NPHS1: variants seen among roughly 807,000 people sequenced by gnomAD.
The protein encoded by NPHS1 is NPHS1 adhesion molecule, nephrin, also known as nephrin.
In NPHS1, 107 loss-of-function variants were observed where a neutral mutation model predicts 139.7. The ratio of observed to expected loss-of-function variants is 0.77; its 90% CI spans 0.66 to 0.90. The LOEUF (loss-of-function observed/expected upper bound fraction) is 0.90. Ranked by LOEUF, NPHS1 falls within the 40% of genes least tolerant of loss-of-function variation. The pLI, the probability that NPHS1 is intolerant of heterozygous loss-of-function variation, is 0.00. For missense variants in NPHS1, 1,580 were observed against 1,654.2 expected, an observed-to-expected ratio of 0.96 and a Z score of 0.78; for synonymous variants, 707 against 706.6, an observed-to-expected ratio of 1.00 and a Z score of -0.01.
At position 35,842,528 on chromosome 19, in the gene NPHS1, C is replaced by G; in HGVS notation, c.2357G>C (p.Ser786Thr). 1 of 1,614,134 alleles carries G rather than the reference C, an allele frequency of 6.2e-7. No homozygotes were observed. Among genetic ancestry groups the G allele is most frequent in the Non-Finnish European group, 8.5e-7 (1 of 1,180,026 alleles). ...GGATATCTTCTCCATGTCATCCAGGCTCTGGTCCTCCTCATCTTCTCCCTG... is the reference window on the plus strand; with the variant it reads ...GGATATCTTCTCCATGTCATCCAGGGTCTGGTCCTCCTCATCTTCTCCCTG... ...ERLGEDEEDQ[S>T]LDDMEKISRG... The change falls in exon 18 of 29, where the codon AGC (serine) becomes ACC (threonine). Residue 786 changes from serine to threonine, a missense_variant. Ser to Thr is a moderately conservative substitution (Grantham distance 58). Transcript: ENST00000378910.
Position 35,850,408 on chromosome 19 carries a change from G to A in NPHS1, c.564C>T (p.Asn188=), listed in dbSNP as rs777413177. The A allele has an allele frequency of 6.2e-6, 10 of 1,614,128 alleles. No individual in the cohort carries two copies. Among genetic ancestry groups the A allele is most frequent in the Admixed American group, 3.3e-5 (2 of 60,016 alleles). Residue 188 remains asparagine (N), a synonymous_variant, in exon 5 of 29, where the codon AAC becomes AAT. Transcript: ENST00000378910. ...TGAAGAGTTTCTGCTGGGAGCCCTC[G>A]TTCACGTTTGCAGAGATGTCAGATA... The part of the protein sequence containing the change: ...QTISDISANV[N]EGSQQKLFTV...
In NPHS1 at chr19:35,851,898, C is replaced by T. The variant is rs75799457; in HGVS notation, c.-61G>A. 3,327 of 1,456,974 alleles carry T rather than the reference C, an allele frequency of 2.3e-3. 73 individuals are homozygous for T. The East Asian group carries it at 0.061, about 27-fold the overall frequency. 90.3% of individuals were successfully genotyped at this position (1,456,974 alleles called of 1,614,324 possible). ...CTGCCAGCCACCTGCGTCTGTCTGG[C>T]TTTCTCTGGGTCCCTCTCTGTGTGT... On this transcript the variant is annotated 5_prime_UTR_variant, in exon 1 of 29. Transcript: ENST00000378910.
rs748521322 is a variant in NPHS1, at chr19:35,831,542, G to GC, written c.3287-43dup. 2.7e-5 allele frequency: 44 copies of GC among 1,613,438 alleles called. 1 individual carries two copies. In the South Asian group the frequency reaches 4.5e-4, roughly 17 times the overall value. On this transcript the variant is annotated intron_variant, in intron 24 of 28. Transcript: ENST00000378910. ...TAAAGGGCTCAGTGACCCTATGCAA[G>GC]CCCCCCACCCCGGCCCCAGGAAGAC...
chr19:35,842,809 T>A (rs188591687), intron 17 of NPHS1, among the ~76,000 whole-genome samples: 1 of 152,232 alleles, frequency 6.6e-6, no homozygotes, highest in East Asian at 1.9e-4. Context: ...CATTCATTTA[T>A]CCATCTGCTT....
At chr19:35,829,769 C>T (rs1379278913) in intron 28 of NPHS1, among the ~76,000 whole-genome samples, 1 of 151,938 alleles carries the variant, frequency 6.6e-6, no homozygotes, top group African/African-American at 2.4e-5. Context: ...GAACTCTTGA[C>T]CTCAGGTAAT....
chr19:35,829,300 G>A (rs1972842158), intron 28 of NPHS1, among the ~76,000 whole-genome samples: 1 of 152,184 alleles, frequency 6.6e-6, no homozygotes, highest in South Asian at 2.1e-4. Flanking sequence ...GGGCATTTGG[G>A]GCCACTGGAA....
chr19:35,835,497 A>G (rs1269584274), intron 23 of NPHS1, among the ~76,000 whole-genome samples: 1 of 151,892 alleles, frequency 6.6e-6, no homozygotes, highest in Non-Finnish European at 1.5e-5. Context: ...GAGTCTTGCT[A>G]TGTTGCCCAA....
Position 35,849,584 on chromosome 19 carries a change from G to A in NPHS1, c.678C>T (p.Ala226=). 1.9e-6 allele frequency: 3 copies of A among 1,614,060 alleles called. No individual in the cohort carries two copies. Among genetic ancestry groups the A allele is most frequent in the Non-Finnish European group, 2.5e-6 (3 of 1,179,962 alleles). Residue 226 remains alanine (A), a synonymous_variant, in exon 6 of 29, where the codon GCC becomes GCT. Transcript: ENST00000378910. ...TCACGGTGAATGAGGCCTTGATGGG[G>A]GCCTCCAGTGCTGGGCTAGACGCCT... ...VCEASSPALE[A]PIKASFTVNV...
In NPHS1 at chr19:35,850,699, G is replaced by C. The variant is rs73928329; in HGVS notation, c.527-254C>G. Reference sequence around the variant, plus strand: ...GTTGTACCATGCACCCTATCCCTCAGCTTCTCATGTCTGCACCAGCGCTAC... The same window carrying C: ...GTTGTACCATGCACCCTATCCCTCACCTTCTCATGTCTGCACCAGCGCTAC... On this transcript the variant is annotated intron_variant, in intron 4 of 28. Transcript: ENST00000378910. 0.031 allele frequency among the ~76,000 whole-genome samples: 4,705 copies of C among 152,202 alleles called. 261 individuals carry two copies. Among genetic ancestry groups the C allele is most frequent in the African/African-American group, 0.11 (4,450 of 41,510 alleles).
At chr19:35,830,647 G>A (rs1233090736) in intron 28 of NPHS1, among the ~76,000 whole-genome samples, 197 bp downstream of exon 28, 2 of 152,208 alleles carry the variant, frequency 1.3e-5, no homozygotes, top group Admixed American at 6.5e-5. Context: ...GGGCTCAAGC[G>A]ATCCTCCTGC....
chr19:35,841,589 A>C, intron 20 of NPHS1, 126 bp downstream of exon 20: 1 of 1,117,600 alleles, frequency 8.9e-7, no homozygotes, highest in Non-Finnish European at 1.3e-6. Flanking sequence ...GGCAGGCAAA[A>C]ACTCCATCCT....
At chr19:35,830,798 C>T (rs1489494151) in intron 28 of NPHS1, 46 bp downstream of exon 28, 3 of 1,214,228 alleles carry the variant, frequency 2.5e-6, no homozygotes, top group African/African-American at 1.5e-5. Context: ...GAGGTAGGCT[C>T]CCAGCACTAG....
chr19:35,837,026 AAAAGAAAGAAAGAAAG>A (rs201666209), intron 22 of NPHS1, among the ~76,000 whole-genome samples: 5,251 of 131,872 alleles, frequency 0.04, 135 homozygotes, highest in Middle Eastern at 0.093. Context: ...AAAAGAAAAG[AAAAGAAAGAAAGAAAG>A]AAAGAAAGAA....
intron 23 of NPHS1, among the ~76,000 whole-genome samples, chr19:35,832,631 T>G (rs2146808930): frequency 6.6e-6 from 1 of 151,932 alleles, no homozygotes; most frequent in East Asian, 2.0e-4. Flanking sequence ...GGCTCACGCC[T>G]ATAATCCCAG....
In NPHS1 at chr19:35,826,274, A is replaced by G; in HGVS notation, c.*240T>C. The G allele has an allele frequency of 5.7e-6, 3 of 524,928 alleles. No individual in the cohort carries two copies. The highest frequency in any genetic ancestry group is 6.8e-5 in the East Asian group (2 of 29,476). 32.5% of individuals were successfully genotyped at this position (524,928 alleles called of 1,614,324 possible). On this transcript the variant is annotated 3_prime_UTR_variant, in exon 29 of 29. Transcript: ENST00000378910. ...ATTTCATTTTTGAGACGACGTTTAC[A>G]ATCTGCCCTGTCCTTTTGGAGAAGT... is the stretch of plus-strand genomic sequence containing the variant.
In NPHS1 at chr19:35,850,967, G is replaced by A. The variant is rs868775614; in HGVS notation, c.520C>T (p.Leu174Phe). 1.2e-6 allele frequency: 2 copies of A among 1,614,056 alleles called. No homozygotes were observed. The highest frequency in any genetic ancestry group is 1.7e-6 in the Non-Finnish European group (2 of 1,180,026). Residue 174 changes from leucine (L) to phenylalanine (F), a missense_variant, in exon 4 of 29, where the codon CTC becomes TTC. By Grantham distance (22) the Leu-to-Phe change is conservative. Transcript: ENST00000378910. Reference sequence around the variant, plus strand: ...CCAGTTCACCCACACTCACTCAGGAGAATGGTGATGTCAGGTGCTGGCTTC... The same window carrying A: ...CCAGTTCACCCACACTCACTCAGGAAAATGGTGATGTCAGGTGCTGGCTTC... The part of the protein sequence containing the change: ...DAKPAPDITI[L>F]LSGQTISDIS...
chr19:35,834,686 T>TA (rs1197923008), intron 23 of NPHS1, among the ~76,000 whole-genome samples: 1 of 150,366 alleles, frequency 6.7e-6, no homozygotes, highest in East Asian at 2.0e-4. Flanking sequence ...GGTCAGGAGT[T>TA]AAAGACCATC....
Position 35,847,815 on chromosome 19 carries a change from A to C in NPHS1, c.1440+226T>G, listed in dbSNP as rs565520103. 6.2e-5 allele frequency: 31 copies of C among 498,862 alleles called. 1 individual carries two copies. In the East Asian group the frequency reaches 9.8e-4, roughly 16 times the overall value. 30.9% of individuals were successfully genotyped at this position (498,862 alleles called of 1,614,324 possible). A position where few individuals can be genotyped will look rare whatever the true frequency, so the allele number is the denominator to read the frequency against. ...TGCCTAATCTTGATTCAGAATTCCA[A>C]TTTTTATCCTAAAATTCTCACTGTT... On this transcript the variant is annotated intron_variant, in intron 11 of 28. Coordinates refer to ENST00000378910, the MANE Select transcript of NPHS1 (RefSeq NM_004646.4).
chr19:35,834,640 C>T (rs920356557), intron 23 of NPHS1, among the ~76,000 whole-genome samples: 2 of 152,028 alleles, frequency 1.3e-5, no homozygotes, highest in African/African-American at 4.8e-5. Context: ...GCCTGTAATC[C>T]CAGCACTTTG....
Sources: allele counts gnomAD v4.1 joint callset (sites outside exome capture counted in the v4.1 genomes callset), GRCh38; gene constraint gnomAD v4.1.1; transcripts MANE v1.5; gene names NCBI Gene and HGNC (gene_info 2026-07-23, HGNC 2026-07-21).